Variants in NEMP2 observed in about 807,000 individuals in gnomAD.
The protein encoded by NEMP2 is nuclear envelope integral membrane protein 2.
Under a neutral mutation model 54.2 loss-of-function variants are expected in NEMP2, and 53 were observed. The observed-to-expected ratio is 0.98, with a 90% confidence interval of 0.78 to 1.23. The LOEUF is 1.23. Among genes scored for constraint, NEMP2 ranks in the 50% most tolerant of loss-of-function variants. The pLI is 0.00. For synonymous variants in NEMP2, 197 were observed against 190.3 expected (o/e 1.04, Z -0.29); for missense variants, 455 against 511.3 (o/e 0.89, Z 1.06).
At chr2:190,604,543 T>C in the NEMP2 span, among the ~76,000 whole-genome samples, 1 of 152,196 alleles carries the variant, frequency 6.6e-6, no homozygotes, top group Admixed American at 6.5e-5. This position sits in a 1 kb window ranked among gnomAD's most constrained non-coding sequence, Gnocchi z 4.5. Flanking sequence ...ATTGCTAGGC[T>C]GAACACAACC....
chr2:190,437,525 T>C, the NEMP2 span: 1 of 1,614,142 alleles, frequency 6.2e-7, no homozygotes, highest in Non-Finnish European at 8.5e-7. This position sits in a 1 kb window ranked among gnomAD's most constrained non-coding sequence, Gnocchi z 5.9. Context: ...GCATATTTTT[T>C]TAGTCACAAG....
At chr2:190,588,530 C>G in the NEMP2 span, among the ~76,000 whole-genome samples, 1 of 151,962 alleles carries the variant, frequency 6.6e-6, no homozygotes, top group East Asian at 1.9e-4. The surrounding 1 kb of genome is among the most constrained non-coding windows in gnomAD (Gnocchi z 5.0). Flanking sequence ...CCTACCTAGA[C>G]CTGTGGGAGG....
chr2:190,518,760 A>T lies in NEMP2; in HGVS notation c.494T>A (p.Phe165Tyr), dbSNP rs202060494. The part of the protein sequence containing the change: ...FLVFVAGVFL[F>Y]FYARTLSQSP... The stretch of plus-strand genomic sequence containing the variant: ...CTGACTCAGGGTCCTTGCATAAAAG[A>T]AAAGAAAAACTCCTGCCACAAACAC... Residue 165 changes from phenylalanine to tyrosine, a missense_variant, in exon 4 of 9, where the codon TTC (phenylalanine) becomes TAC (tyrosine). Around this residue, in one of 3 missense-constraint regions of NEMP2, gnomAD observed 294 missense variants for 333.6 expected, o/e 0.88. Transcript: ENST00000409150. 1.3e-6 allele frequency: 2 copies of T among 1,545,812 alleles called. No homozygotes were observed. The highest frequency in any genetic ancestry group is 1.7e-6 in the Non-Finnish European group (2 of 1,145,740).
At chr2:190,534,785 C>T, upstream of NEMP2, 11 of 618,066 alleles carry the variant, frequency 1.8e-5, no homozygotes, top group South Asian at 7.9e-5. Context: ...AGGCGGAGAC[C>T]CCGCCTCCCC....
At chr2:190,563,443 A>C in the NEMP2 span, among the ~76,000 whole-genome samples, 41 of 152,106 alleles carry the variant, frequency 2.7e-4, no homozygotes, top group Admixed American at 4.6e-4. The surrounding 1 kb of genome is among the most constrained non-coding windows in gnomAD (Gnocchi z 4.3). Flanking sequence ...AGGGAGAATA[A>C]TTTTTTTCTA....
At chr2:190,571,182 G>C in the NEMP2 span, among the ~76,000 whole-genome samples, 2 of 152,198 alleles carry the variant, frequency 1.3e-5, no homozygotes, top group Admixed American at 1.3e-4. Context: ...GATTACATAA[G>C]TTAATACAGT....
At chr2:190,567,115 A>T in the NEMP2 span, among the ~76,000 whole-genome samples, 26 of 152,194 alleles carry the variant, frequency 1.7e-4, no homozygotes, top group Non-Finnish European at 3.4e-4. This position sits in a 1 kb window ranked among gnomAD's most constrained non-coding sequence, Gnocchi z 4.0. Context: ...TGTATCTATA[A>T]AATAAAAGCA....
At chr2:190,422,287 C>T in the NEMP2 span, among the ~76,000 whole-genome samples, 1 of 152,170 alleles carries the variant, frequency 6.6e-6, no homozygotes, top group Non-Finnish European at 1.5e-5. Context: ...GTCCTATTCC[C>T]ACTAGACTGG....
chr2:190,642,832 G>C, the NEMP2 span, among the ~76,000 whole-genome samples: 6 of 151,926 alleles, frequency 3.9e-5, no homozygotes, highest in Non-Finnish European at 8.8e-5. The surrounding 1 kb of genome is among the most constrained non-coding windows in gnomAD (Gnocchi z 4.1). Flanking sequence ...TCTCCTCTAA[G>C]AACATTTTAA....
the NEMP2 span, among the ~76,000 whole-genome samples, chr2:190,551,242 T>G: frequency 6.6e-6 from 1 of 152,000 alleles, no homozygotes; most frequent in African/African-American, 2.4e-5. Context: ...TTTAAATATT[T>G]GTTTTGTCCC....
the NEMP2 span, among the ~76,000 whole-genome samples, chr2:190,540,428 C>T: frequency 1.4e-4 from 21 of 151,996 alleles, no homozygotes; most frequent in Non-Finnish European, 2.5e-4. Flanking sequence ...GGACTACAGA[C>T]GCATGCCACC....
the NEMP2 span, among the ~76,000 whole-genome samples, chr2:190,498,249 G>A: frequency 4.6e-5 from 7 of 152,172 alleles, no homozygotes; most frequent in South Asian, 4.1e-4. This position sits in a 1 kb window ranked among gnomAD's most constrained non-coding sequence, Gnocchi z 5.9. Context: ...TAAAGTTAAA[G>A]CATGTTGATA....
At chr2:190,431,997 TCTGATTTCTCTGGA>T in the NEMP2 span, among the ~76,000 whole-genome samples, 1,666 of 152,320 alleles carry the variant, frequency 0.011, 33 homozygotes, top group African/African-American at 0.037. This position sits in a 1 kb window ranked among gnomAD's most constrained non-coding sequence, Gnocchi z 4.4. Context: ...TTACTTGGCT[TCTGATTTCTCTGGA>T]CTGATAGTGT....
the NEMP2 span, chr2:190,498,071 T>C: frequency 5.1e-6 from 1 of 194,428 alleles, no homozygotes; most frequent in Non-Finnish European, 1.1e-5. This position sits in a 1 kb window ranked among gnomAD's most constrained non-coding sequence, Gnocchi z 5.9. Context: ...GGGGGCATTA[T>C]ATTATAGGAC....
At chr2:190,447,509 T>C in the NEMP2 span, among the ~76,000 whole-genome samples, 1 of 149,042 alleles carries the variant, frequency 6.7e-6, no homozygotes, top group Non-Finnish European at 1.5e-5. This position sits in a 1 kb window ranked among gnomAD's most constrained non-coding sequence, Gnocchi z 4.5. Flanking sequence ...TCATAGCACA[T>C]ATGAAAAAAT....
chr2:190,454,085 C>T, the NEMP2 span: 2 of 152,140 alleles, frequency 1.3e-5, no homozygotes, highest in Non-Finnish European at 2.9e-5. This position sits in a 1 kb window ranked among gnomAD's most constrained non-coding sequence, Gnocchi z 4.6. Flanking sequence ...GTAGGCCTCG[C>T]AATTTATAGT....
chr2:190,455,740 G>C, the NEMP2 span, among the ~76,000 whole-genome samples: 1 of 151,844 alleles, frequency 6.6e-6, no homozygotes, highest in African/African-American at 2.4e-5. Flanking sequence ...AGGTCTCAGA[G>C]ATTGCTGGAA....
chr2:190,427,727 CT>C, the NEMP2 span, among the ~76,000 whole-genome samples: 62,194 of 148,514 alleles, frequency 0.42, 14,069 homozygotes, highest in African/African-American at 0.61. Context: ...AAGTCTACCA[CT>C]TTTTTTTTTT....
At chr2:190,569,128 GGCT>G in the NEMP2 span, among the ~76,000 whole-genome samples, 1 of 152,144 alleles carries the variant, frequency 6.6e-6, no homozygotes, top group Non-Finnish European at 1.5e-5. Flanking sequence ...CAGGGAAAAG[GGCT>G]GCTCTTTGTC....
Sources: allele counts gnomAD v4.1 joint callset (sites outside exome capture counted in the v4.1 genomes callset), GRCh38; gene constraint gnomAD v4.1.1; regional missense constraint gnomAD v4.1.1; non-coding constraint Gnocchi (gnomAD v3.1); transcripts MANE v1.5; gene names NCBI Gene and HGNC (gene_info 2026-07-23, HGNC 2026-07-21).